CACNA2D3: variants seen among roughly 807,000 people sequenced by gnomAD.
The protein encoded by CACNA2D3 is calcium voltage-gated channel auxiliary subunit alpha2delta 3, also known as voltage-dependent calcium channel subunit alpha-2/delta-3.
Under a neutral mutation model 160.6 loss-of-function variants are expected in CACNA2D3, and 60 were observed. The observed-to-expected ratio is 0.37, with a 90% CI of 0.30 to 0.46. CACNA2D3 has a LOEUF of 0.46. CACNA2D3 is among the 20% of genes least tolerant of loss of function. The pLI, the probability that CACNA2D3 is intolerant of heterozygous loss-of-function variation, is 1.00. For synonymous variants in CACNA2D3, 558 were observed against 492.9 expected (o/e 1.13, Z -1.75); for missense variants, 1,205 against 1,365.0 (o/e 0.88, Z 1.85).
At chr3:54,857,578 T>C (rs568330914) in intron 17 of CACNA2D3, among the ~76,000 whole-genome samples, 82 of 152,324 alleles carry the variant, frequency 5.4e-4, no homozygotes, top group Non-Finnish European at 7.5e-4. Context: ...GCCTGCACCC[T>C]GTTGGCTGCC....
At chr3:54,785,590 G>T (rs1192200609) in intron 13 of CACNA2D3, among the ~76,000 whole-genome samples, 1 of 152,126 alleles carries the variant, frequency 6.6e-6, no homozygotes, top group Non-Finnish European at 1.5e-5. Flanking sequence ...CTACCTAAAT[G>T]ACAAGCAAAA....
At chr3:54,522,061 T>C (rs1701654225) in intron 5 of CACNA2D3, among the ~76,000 whole-genome samples, 1 of 152,192 alleles carries the variant, frequency 6.6e-6, no homozygotes, top group Non-Finnish European at 1.5e-5. Context: ...AATCAGTTTG[T>C]CAATTTCTAC....
At chr3:54,568,818 T>C (rs1702448868) in intron 6 of CACNA2D3, among the ~76,000 whole-genome samples, 1 of 152,232 alleles carries the variant, frequency 6.6e-6, no homozygotes, top group Non-Finnish European at 1.5e-5. Flanking sequence ...GACTACTGTC[T>C]CAAGGTTATC....
chr3:54,227,378 C>T (rs763901583), intron 2 of CACNA2D3, among the ~76,000 whole-genome samples: 1 of 151,896 alleles, frequency 6.6e-6, no homozygotes, highest in Non-Finnish European at 1.5e-5. Context: ...ACCCAGCTTG[C>T]AGTGTTTCAT....
chr3:54,338,729 G>A (rs1445028407), intron 3 of CACNA2D3, among the ~76,000 whole-genome samples: 2 of 152,072 alleles, frequency 1.3e-5, no homozygotes, highest in African/African-American at 4.8e-5. Context: ...TGATCGCTTT[G>A]TGACTTAGGG....
intron 4 of CACNA2D3, among the ~76,000 whole-genome samples, chr3:54,392,978 A>G (rs1177090081): frequency 6.6e-6 from 1 of 152,172 alleles, no homozygotes; most frequent in African/African-American, 2.4e-5. Flanking sequence ...CCACCCTGCA[A>G]AGACAGCCAA....
At chr3:54,684,718 T>C (rs1311153924) in intron 11 of CACNA2D3, among the ~76,000 whole-genome samples, 1 of 150,562 alleles carries the variant, frequency 6.6e-6, no homozygotes, top group African/African-American at 2.4e-5. Flanking sequence ...GGAGACAGCG[T>C]ACAAAATTAA....
At chr3:54,350,665 C>T (rs990511243) in intron 3 of CACNA2D3, among the ~76,000 whole-genome samples, 3 of 152,178 alleles carry the variant, frequency 2.0e-5, no homozygotes, top group African/African-American at 7.2e-5. Flanking sequence ...TTATCAACAC[C>T]AGCCACATTG....
intron 4 of CACNA2D3, among the ~76,000 whole-genome samples, chr3:54,469,835 T>C (rs1700697347): frequency 6.6e-6 from 1 of 151,628 alleles, no homozygotes; most frequent in South Asian, 2.1e-4. Flanking sequence ...ATATCAGAGA[T>C]TGAAGATCAA....
intron 6 of CACNA2D3, among the ~76,000 whole-genome samples, chr3:54,563,677 A>C (rs1354177913): frequency 6.6e-6 from 1 of 152,226 alleles, no homozygotes; most frequent in East Asian, 1.9e-4. Context: ...CCAACATCAC[A>C]GCTGTAGAAA....
chr3:54,424,988 C>A (rs1699891735), intron 4 of CACNA2D3, among the ~76,000 whole-genome samples: 1 of 152,224 alleles, frequency 6.6e-6, no homozygotes, highest in African/African-American at 2.4e-5. Context: ...CTGACCTGTT[C>A]TGTCTCCTCC....
chr3:54,847,764 A>G (rs1012454505), intron 17 of CACNA2D3, among the ~76,000 whole-genome samples: 1 of 152,260 alleles, frequency 6.6e-6, no homozygotes, highest in African/African-American at 2.4e-5. Flanking sequence ...TTTTAAAGAC[A>G]TTTAAGTCCA....
intron 13 of CACNA2D3, among the ~76,000 whole-genome samples, chr3:54,779,255 C>T (rs180838006): frequency 1.5e-3 from 233 of 152,142 alleles, no homozygotes; most frequent in Non-Finnish European, 2.9e-3. Flanking sequence ...TGTGCCACTA[C>T]GCCCAGCTAA....
At chr3:54,962,604 A>T (rs565884770) in intron 27 of CACNA2D3, among the ~76,000 whole-genome samples, 1 of 152,334 alleles carries the variant, frequency 6.6e-6, no homozygotes, top group Non-Finnish European at 1.5e-5. Flanking sequence ...CTATTGGTGG[A>T]GACAGAGAGG....
At position 54,774,443 on chromosome 3, in the gene CACNA2D3, C is replaced by T. The variant is rs116071882; in HGVS notation, c.1380+10092C>T. On this transcript the variant is annotated intron_variant, in intron 13 of 37. Coordinates refer to ENST00000474759, the MANE Select transcript of CACNA2D3 (RefSeq NM_018398.3). The stretch of plus-strand genomic sequence containing the variant: ...TACACACTTTTGAGCAACCAGATCT[C>T]GTGAGCACTCACTCACTCTCAGGAG... Among the ~76,000 whole-genome samples the T allele has an allele frequency of 8.7e-3, 1,321 of 151,852 alleles. 21 individuals are homozygous for T. The highest frequency in any genetic ancestry group is 0.03 in the African/African-American group (1,249 of 41,346).
intron 11 of CACNA2D3, among the ~76,000 whole-genome samples, chr3:54,688,538 C>T (rs1003106257): frequency 2.6e-5 from 4 of 151,412 alleles, no homozygotes; most frequent in Non-Finnish European, 5.9e-5. Flanking sequence ...CCTGCTTGGC[C>T]GAGTATACTT....
intron 4 of CACNA2D3, among the ~76,000 whole-genome samples, chr3:54,447,168 C>T (rs1041905732): frequency 1.3e-5 from 2 of 152,152 alleles, no homozygotes; most frequent in Non-Finnish European, 1.5e-5. Flanking sequence ...TGAAAACCAC[C>T]ACATGCATGG....
chr3:54,170,969 TAGAG>T (rs148203327), intron 2 of CACNA2D3, among the ~76,000 whole-genome samples: 3,150 of 151,950 alleles, frequency 0.021, 47 homozygotes, highest in South Asian at 0.047. Context: ...TATGTATTGA[TAGAG>T]AGAGCCTAGA....
intron 31 of CACNA2D3, among the ~76,000 whole-genome samples, chr3:54,997,050 A>C (rs1021294463): frequency 6.6e-6 from 1 of 152,178 alleles, no homozygotes; most frequent in African/African-American, 2.4e-5. Context: ...GAGGGATAGC[A>C]TTAGGAGAAA....
Sources: gnomAD v4.1 joint callset for allele counts (sites outside exome capture counted in the v4.1 genomes callset) on GRCh38, gnomAD v4.1.1 for gene constraint, MANE v1.5 for transcripts, NCBI Gene and HGNC (gene_info 2026-07-23, HGNC 2026-07-21) for gene names.